The following CTNS variants were observed in gnomAD, a reference collection of about 807,000 sequenced individuals.
CTNS encodes cystinosin.
Under a neutral mutation model 43.7 loss-of-function variants are expected in CTNS, and 27 were observed. The ratio of observed to expected loss-of-function variants is 0.62; its 90% CI spans 0.46 to 0.85. The LOEUF is 0.85. CTNS is among the 40% of genes least tolerant of loss of function. The pLI, the probability that CTNS is intolerant of heterozygous loss-of-function variation, is 0.00. For synonymous variants in CTNS, 187 were observed against 190.6 expected, an observed-to-expected ratio of 0.98 and a Z score of 0.16; for missense variants, 457 against 475.4, an observed-to-expected ratio of 0.96 and a Z score of 0.36.
Position 3,660,340 on chromosome 17 carries a change from AAG to A in CTNS, c.1079_1080del (p.Arg360ThrfsTer4). The stretch of plus-strand genomic sequence containing the variant: ...CATCCAGCACTTCTGTTTGTACAGA[AAG>A]AGACCGGGGTATGACCAGCTGAACT... ...FFIQHFCLYR[K>X]RPGYDQLN On this transcript the variant is annotated frameshift_variant, in exon 12 of 12. Coordinates refer to ENST00000046640, the MANE Select transcript of CTNS (RefSeq NM_004937.3). LOFTEE classifies it high-confidence loss of function. The A allele has an allele frequency of 6.2e-7, 1 of 1,614,198 alleles. No individual in the cohort carries two copies.
At chr17:3,654,290 C>T (rs1402042728) in intron 5 of CTNS, among the ~76,000 whole-genome samples, 2 of 152,150 alleles carry the variant, frequency 1.3e-5, no homozygotes, top group Non-Finnish European at 1.5e-5. Context: ...CCCAAGGTGA[C>T]ATGTCCAGTA....
intron 5 of CTNS, among the ~76,000 whole-genome samples, chr17:3,650,956 C>A (rs1267545833): frequency 6.6e-6 from 1 of 152,030 alleles, no homozygotes; most frequent in East Asian, 1.9e-4. Flanking sequence ...GCGCCCACCA[C>A]CAGGCCCAGC....
chr17:3,658,835 G>T (rs992215824), intron 10 of CTNS, among the ~76,000 whole-genome samples: 2 of 152,224 alleles, frequency 1.3e-5, no homozygotes, highest in Non-Finnish European at 2.9e-5. Context: ...TGTGGCCAAG[G>T]AGCCCGGGCG....
chr17:3,650,991 T>C (rs1459301336), intron 5 of CTNS, among the ~76,000 whole-genome samples: 1 of 151,802 alleles, frequency 6.6e-6, no homozygotes, highest in Non-Finnish European at 1.5e-5. Context: ...TTAGTAGAGA[T>C]GGGGTTTCAC....
chr17:3,642,402 A>T (rs1414042061), intron 3 of CTNS, among the ~76,000 whole-genome samples: 1 of 152,036 alleles, frequency 6.6e-6, no homozygotes, highest in African/African-American at 2.4e-5. Flanking sequence ...ATTAGAAAAG[A>T]ATGGGCCAGG....
Position 3,647,470 on chromosome 17 carries a change from C to T in CTNS, c.88C>T (p.Pro30Ser), listed in dbSNP as rs2150904636. ...GTCAAGCGTCAGCCTCACTGTTCCT[C>T]CTGTCGTAAAGCTGGAGAACGGCAG... ...CESSVSLTVP[P>S]VVKLENGSST... is the part of the protein sequence containing the mutation. Residue 30 changes from proline to serine, a missense_variant, in exon 4 of 12, where the codon CCT becomes TCT. Coordinates refer to ENST00000046640, the MANE Select transcript of CTNS (RefSeq NM_004937.3). 6.2e-7 allele frequency: 1 copy of T among 1,614,174 alleles called. No individual in the cohort carries two copies. The highest frequency in any genetic ancestry group is 8.5e-7 in the Non-Finnish European group (1 of 1,180,006).
Position 3,648,833 on chromosome 17 carries a change from C to T in CTNS, c.141-14C>T. The T allele has an allele frequency of 6.2e-7, 1 of 1,608,230 alleles. No individual in the cohort carries two copies. Among genetic ancestry groups the T allele is most frequent in the Non-Finnish European group, 8.5e-7 (1 of 1,174,596 alleles). On this transcript the variant is annotated splice_polypyrimidine_tract_variant and intron_variant, in intron 4 of 11. Transcript: ENST00000046640. ...CCAGCTTCTCAGCAGTAATTAGACT[C>T]TTGTCCTCCACAGGCCACCATTAAA... is the stretch of plus-strand genomic sequence containing the variant.
rs150773117 is a variant in CTNS, at chr17:3,658,145, C to T, written c.822C>T (p.Leu274=). 288 of 1,612,260 alleles carry T rather than the reference C, an allele frequency of 1.8e-4. 7 individuals carry two copies. In the South Asian group the frequency reaches 3.0e-3, roughly 17 times the overall value. The change falls in exon 10 of 12, where the codon CTC becomes CTT. Residue 274 remains leucine (L), a synonymous_variant. Transcript: ENST00000046640. ...QFLFCFSYIK[L]AVTLVKYFPQ... ...TCTTCTGCTTCTCCTACATCAAGCT[C>T]GCAGTCACGCTGGTCAAGTATTTTC...
In CTNS at chr17:3,637,240, C is replaced by T. The variant is rs1300471913; in HGVS notation, c.-96C>T. The T allele has an allele frequency of 1.3e-5, 2 of 152,258 alleles. No individual in the cohort carries two copies. The highest frequency in any genetic ancestry group is 4.8e-5 in the African/African-American group (2 of 41,462). 9.4% of individuals were successfully genotyped at this position (152,258 alleles called of 1,614,324 possible). A position where few individuals can be genotyped will look rare whatever the true frequency, so the allele number is the denominator to read the frequency against. On this transcript the variant is annotated 5_prime_UTR_variant, in exon 2 of 12. Transcript: ENST00000046640. ...TTCACACTGGGCGAAGGGAGGACTCCTGAGCTCTGCCTCTTCCAGTAACAT... is the reference window on the plus strand; with the variant it reads ...TTCACACTGGGCGAAGGGAGGACTCTTGAGCTCTGCCTCTTCCAGTAACAT...
chr17:3,660,782 C>T lies in CTNS; in HGVS notation c.*413C>T. On this transcript the variant is annotated 3_prime_UTR_variant, in exon 12 of 12. Coordinates refer to ENST00000046640, the MANE Select transcript of CTNS (RefSeq NM_004937.3). ...GGCACTTTGCTGCCACCGCTGCATT[C>T]CCAGAGATCAAGCAGCCCGGTGCCG... 1 of 1,612,108 alleles carries T rather than the reference C, an allele frequency of 6.2e-7. No homozygotes were observed. Among genetic ancestry groups the T allele is most frequent in the Non-Finnish European group, 8.5e-7 (1 of 1,179,616 alleles).
rs116344762 is a variant in CTNS, at chr17:3,654,891, C to T, written c.226-107C>T. Reference sequence around the variant, plus strand: ...AGTAAGCTCTTGGAAGGTGAGGCTGCGGGTGGTGCGTCCCTCCGTTCCCTA... The same window carrying T: ...AGTAAGCTCTTGGAAGGTGAGGCTGTGGGTGGTGCGTCCCTCCGTTCCCTA... On this transcript the variant is annotated intron_variant, in intron 5 of 11. Coordinates refer to ENST00000046640, the MANE Select transcript of CTNS (RefSeq NM_004937.3). 1.8e-3 allele frequency: 1,525 copies of T among 837,628 alleles called. 18 individuals carry two copies. The African/African-American group carries it at 0.021, about 12-fold the overall frequency. 51.9% of individuals were successfully genotyped at this position (837,628 alleles called of 1,614,324 possible).
At chr17:3,655,453 C>T in intron 7 of CTNS, 101 bp downstream of exon 7, 1 of 1,532,680 alleles carries the variant, frequency 6.5e-7, no homozygotes, top group South Asian at 1.1e-5. Context: ...CCCCTCTACC[C>T]TTCTGTCTGC....
At chr17:3,639,040 G>A (rs1432496454) in intron 2 of CTNS, among the ~76,000 whole-genome samples, 9 of 152,174 alleles carry the variant, frequency 5.9e-5, no homozygotes, top group African/African-American at 1.9e-4. Context: ...ACTTCTTGAG[G>A]AGTGTGTAAG....
At position 3,662,519 on chromosome 17, in the gene CTNS, T is replaced by A. The variant is rs1434149903; in HGVS notation, c.*2150T>A. 6.6e-6 allele frequency among the ~76,000 whole-genome samples: 1 copy of A among 151,192 alleles called. No homozygotes were observed. The highest frequency in any genetic ancestry group is 2.4e-5 in the African/African-American group (1 of 41,078). ...ACGGAGTGCCCTTATAGGCAGGGAG[T>A]CTTATAGGCAGGGGTCTCTCCCAGG... On this transcript the variant is annotated 3_prime_UTR_variant, in exon 12 of 12. Transcript: ENST00000046640.
In CTNS at chr17:3,660,891, C is replaced by T. The variant is rs2076266130; in HGVS notation, c.*522C>T. The T allele has an allele frequency of 1.9e-6, 2 of 1,074,632 alleles. No homozygotes were observed. Among genetic ancestry groups the T allele is most frequent in the Non-Finnish European group, 2.7e-6 (2 of 730,768 alleles). 66.6% of individuals were successfully genotyped at this position (1,074,632 alleles called of 1,614,324 possible). On this transcript the variant is annotated 3_prime_UTR_variant, in exon 12 of 12. Transcript: ENST00000046640. ...GGCTCTTTCTCTGAAGGCCACTTTCCTGACGTACTCTCTGTACATAACTCA... is the reference window on the plus strand; with the variant it reads ...GGCTCTTTCTCTGAAGGCCACTTTCTTGACGTACTCTCTGTACATAACTCA...
In CTNS at chr17:3,660,006, T is replaced by C. The variant is rs780497552; in HGVS notation, c.970+31T>C. The C allele has an allele frequency of 7.0e-6, 11 of 1,575,168 alleles. No homozygotes were observed. The South Asian group carries it at 7.8e-5, about 11-fold the overall frequency. Reference sequence around the variant, plus strand: ...TCAGCCAGCGGGCTGCTGGCCACCCTGCGGCTGGGGCATCGGGCGGGGCCA... The same window carrying C: ...TCAGCCAGCGGGCTGCTGGCCACCCCGCGGCTGGGGCATCGGGCGGGGCCA... On this transcript the variant is annotated intron_variant, in intron 11 of 11. Coordinates refer to ENST00000046640, the MANE Select transcript of CTNS (RefSeq NM_004937.3).
chr17:3,644,956 C>T (rs2075811213), intron 3 of CTNS, among the ~76,000 whole-genome samples: 1 of 150,886 alleles, frequency 6.6e-6, no homozygotes, highest in African/African-American at 2.4e-5. Context: ...AGATCTCCCA[C>T]TCACCTTGAC....
chr17:3,639,667 C>CAAAA (rs3039676), intron 2 of CTNS, among the ~76,000 whole-genome samples: 4 of 141,112 alleles, frequency 2.8e-5, no homozygotes, highest in Non-Finnish European at 3.1e-5. Context: ...GACTCTGTCT[C>CAAAA]AAAAAAAAAA....
Position 3,660,231 on chromosome 17 carries a change from A to T in CTNS, c.971-5A>T. On this transcript the variant is annotated splice_region_variant and splice_polypyrimidine_tract_variant and intron_variant, in intron 11 of 11. Coordinates refer to ENST00000046640, the MANE Select transcript of CTNS (RefSeq NM_004937.3). ...CACCAGCTTCTGTCCCCCGGCTGCT[A>T]ACAGACCAGTGGACGCTGATCTTCG... The T allele has an allele frequency of 6.2e-7, 1 of 1,614,194 alleles. No homozygotes were observed. The highest frequency in any genetic ancestry group is 8.5e-7 in the Non-Finnish European group (1 of 1,180,042).
Sources: allele counts gnomAD v4.1 joint callset (sites outside exome capture counted in the v4.1 genomes callset), GRCh38; gene constraint gnomAD v4.1.1; transcripts MANE v1.5; gene names NCBI Gene and HGNC (gene_info 2026-07-23, HGNC 2026-07-21).